Variants in MORC3 observed in about 807,000 individuals in gnomAD.
The protein encoded by MORC3 is MORC family CW-type zinc finger protein 3.
MORC3 carries 31 observed loss-of-function variants against 109.1 expected under a neutral mutation model. The observed-to-expected ratio is 0.28, with a 90% CI of 0.21 to 0.38. The LOEUF (loss-of-function observed/expected upper bound fraction) is 0.38. Ranked by LOEUF, MORC3 falls within the 10% of genes least tolerant of loss-of-function variation. The pLI is 1.00. For missense variants in MORC3, 867 were observed against 1,135.8 expected (o/e 0.76, Z 3.40); for synonymous variants, 395 against 380.7 (o/e 1.04, Z -0.44).
chr21:36,372,506 T>C lies in MORC3; in HGVS notation c.2641T>C (p.Ser881Pro), dbSNP rs1421952360. The stretch of plus-strand genomic sequence containing the variant: ...TTCAACATCAAGTAACATTGAGGAG[T>C]CTGTAAATCATATGGATGGAGAAAG... ...DVSTSSNIEE[S>P]VNHMDGESLK... The change falls in exon 16 of 17, where the codon TCT (serine) becomes CCT (proline). Residue 881 changes from serine to proline, a missense_variant. By Grantham distance (74) the Ser-to-Pro change is moderately conservative (BLOSUM62 -1). Transcript: ENST00000400485. 3 of 1,586,564 alleles carry C rather than the reference T, an allele frequency of 1.9e-6. No homozygotes were observed. The highest frequency in any genetic ancestry group is 4.0e-5 in the Admixed American group (2 of 50,004).
chr21:36,338,521 C>G (rs932488175), intron 4 of MORC3, among the ~76,000 whole-genome samples: 4 of 151,656 alleles, frequency 2.6e-5, no homozygotes, highest in African/African-American at 9.7e-5. Flanking sequence ...GACCCTATCT[C>G]TACAAAAAAA....
At chr21:36,323,055 C>T (rs1268108950) in intron 1 of MORC3, among the ~76,000 whole-genome samples, 1 of 152,162 alleles carries the variant, frequency 6.6e-6, no homozygotes, top group Non-Finnish European at 1.5e-5. Flanking sequence ...TACTGATCAT[C>T]CAGACATCCA....
intron 14 of MORC3, among the ~76,000 whole-genome samples, chr21:36,368,549 C>T (rs2085807199): frequency 1.3e-5 from 2 of 152,164 alleles, no homozygotes; most frequent in South Asian, 4.1e-4. Flanking sequence ...CAATGCGTCA[C>T]TTTAAAAAAT....
chr21:36,357,629 A>T (rs1257637264), intron 10 of MORC3, among the ~76,000 whole-genome samples: 1 of 151,942 alleles, frequency 6.6e-6, no homozygotes, highest in Non-Finnish European at 1.5e-5. Flanking sequence ...AAAAATTAGC[A>T]GTGGTAATTT....
intron 6 of MORC3, among the ~76,000 whole-genome samples, chr21:36,344,324 T>C (rs2085484593): frequency 2.0e-5 from 3 of 152,224 alleles, no homozygotes; most frequent in Admixed American, 1.3e-4. Context: ...TCTTTTTCAC[T>C]TAGTAATAAA....
At chr21:36,346,160 A>G (rs1250689987) in intron 8 of MORC3, among the ~76,000 whole-genome samples, 1 of 152,138 alleles carries the variant, frequency 6.6e-6, no homozygotes, top group Non-Finnish European at 1.5e-5. Context: ...AGCTGGGACT[A>G]CTGGCGTGTG....
At chr21:36,345,605 A>G (rs529940851) in intron 8 of MORC3, among the ~76,000 whole-genome samples, 2 of 152,066 alleles carry the variant, frequency 1.3e-5, no homozygotes, top group South Asian at 2.1e-4. Context: ...TATTTTTAGT[A>G]GAGGTGAGGT....
At chr21:36,340,178 T>C (rs2085425152) in intron 5 of MORC3, among the ~76,000 whole-genome samples, 1 of 150,846 alleles carries the variant, frequency 6.6e-6, no homozygotes, top group Non-Finnish European at 1.5e-5. Context: ...CTAAGGAGGC[T>C]GAGGCAGGAG....
At chr21:36,353,510 G>T (rs1012837064) in intron 9 of MORC3, among the ~76,000 whole-genome samples, 1 of 151,788 alleles carries the variant, frequency 6.6e-6, no homozygotes, top group Admixed American at 6.6e-5. Flanking sequence ...GGAGGCTGAT[G>T]TGGGTAGATC....
intron 10 of MORC3, 26 bp from the exon 11 acceptor site, chr21:36,359,929 A>G: frequency 1.2e-6 from 2 of 1,613,078 alleles, no homozygotes; most frequent in South Asian, 2.2e-5. Context: ...TTTCTGTGTT[A>G]ATATTTTGTT....
intron 10 of MORC3, among the ~76,000 whole-genome samples, chr21:36,357,293 C>T (rs984748162): frequency 6.6e-6 from 1 of 152,022 alleles, no homozygotes; most frequent in Non-Finnish European, 1.5e-5. Flanking sequence ...CATTATTATA[C>T]ATAATTTATA....
intron 9 of MORC3, among the ~76,000 whole-genome samples, chr21:36,351,544 C>T (rs1359878974): frequency 6.6e-6 from 1 of 152,100 alleles, no homozygotes; most frequent in African/African-American, 2.4e-5. Flanking sequence ...TCTTTCTATA[C>T]CTGACTTACT....
intron 16 of MORC3, among the ~76,000 whole-genome samples, 172 bp downstream of exon 16, chr21:36,372,703 TC>T (rs1393678326): frequency 1.3e-5 from 2 of 152,232 alleles, no homozygotes; most frequent in Admixed American, 6.5e-5. Flanking sequence ...TCATTATCCT[TC>T]CTTTCCAGTT....
chr21:36,333,318 T>C (rs11909470), intron 1 of MORC3: 9,745 of 250,058 alleles, frequency 0.039, 886 homozygotes, highest in African/African-American at 0.2. Flanking sequence ...ATGGTGTTTA[T>C]AGGATTTTAG....
Position 36,364,075 on chromosome 21 carries a change from G to A in MORC3, c.1453-18G>A, listed in dbSNP as rs757225497. 1.9e-6 allele frequency: 3 copies of A among 1,608,452 alleles called. No individual in the cohort carries two copies. The South Asian group carries it at 3.3e-5, about 18-fold the overall frequency. ...CTAGAAATAGTTCCTTTAAGGTGAT[G>A]ATTTTTCCCTCCAACAGATTAATGC... On this transcript the variant is annotated intron_variant, in intron 13 of 16. Coordinates refer to ENST00000400485, the MANE Select transcript of MORC3 (RefSeq NM_015358.3).
At position 36,369,553 on chromosome 21, in the gene MORC3, CAG is replaced by C; in HGVS notation, c.2188_2189del (p.Arg730AspfsTer6). 1 of 1,614,162 alleles carries C rather than the reference CAG, an allele frequency of 6.2e-7. No individual in the cohort carries two copies. The highest frequency in any genetic ancestry group is 8.5e-7 in the Non-Finnish European group (1 of 1,180,022). The part of the protein sequence containing the change: ...MFTDQIKVLQ[Q>X]RILEMNDKYV... ...TACTGATCAAATCAAAGTGTTACAA[CAG>C]AGGATACTAGAAATGAATGACAAGT... On this transcript the variant is annotated frameshift_variant, in exon 15 of 17. Transcript: ENST00000400485. LOFTEE classifies it high-confidence loss of function.
intron 14 of MORC3, among the ~76,000 whole-genome samples, chr21:36,368,604 A>G (rs750862631): frequency 2.0e-5 from 3 of 152,238 alleles, no homozygotes; most frequent in Non-Finnish European, 4.4e-5. Flanking sequence ...AGCTGGGCAC[A>G]GTGGCTCATG....
rs1470772221 is a variant in MORC3, at chr21:36,376,135, T to C, written c.*839T>C. On this transcript the variant is annotated 3_prime_UTR_variant, in exon 17 of 17. Transcript: ENST00000400485. ...AATGTGAGTTGAGGAAGACAGTCTTTCTCAAACAATACTACATACCTTTTA... is the reference window on the plus strand; with the variant it reads ...AATGTGAGTTGAGGAAGACAGTCTTCCTCAAACAATACTACATACCTTTTA... 1 of 152,554 alleles carries C rather than the reference T, an allele frequency of 6.6e-6. No individual in the cohort carries two copies. Among genetic ancestry groups the C allele is most frequent in the East Asian group, 1.9e-4 (1 of 5,200 alleles). 9.5% of individuals were successfully genotyped at this position (152,554 alleles called of 1,614,324 possible).
At chr21:36,375,108 T>A in intron 16 of MORC3, 35 bp from the exon 17 acceptor site, 1 of 1,578,858 alleles carries the variant, frequency 6.3e-7, no homozygotes, top group Admixed American at 1.8e-5. Flanking sequence ...TAACTTGTAA[T>A]GCTCATCTAA....
Sources: gnomAD v4.1 joint callset for allele counts (sites outside exome capture counted in the v4.1 genomes callset) on GRCh38, gnomAD v4.1.1 for gene constraint, MANE v1.5 for transcripts, NCBI Gene and HGNC (gene_info 2026-07-23, HGNC 2026-07-21) for gene names.